The following NELL1 variants were observed in gnomAD, a reference collection of about 807,000 sequenced individuals.
NELL1 encodes neural EGFL like 1.
In NELL1, 76 loss-of-function variants were observed where a neutral mutation model predicts 107.4. The ratio of observed to expected loss-of-function variants is 0.71; its 90% CI spans 0.59 to 0.86. The LOEUF is 0.86. NELL1 is among the 40% of genes least tolerant of loss of function. The pLI, the probability that NELL1 is intolerant of heterozygous loss-of-function variation, is 0.00. For missense variants in NELL1, 1,024 were observed against 1,005.5 expected (o/e 1.02, Z -0.25); for synonymous variants, 353 against 341.2 (o/e 1.03, Z -0.38).
At chr11:21,139,489 C>G (rs1195441281) in intron 13 of NELL1, among the ~76,000 whole-genome samples, 1 of 152,172 alleles carries the variant, frequency 6.6e-6, no homozygotes, top group Admixed American at 6.6e-5. Context: ...GTTAGTTTTC[C>G]CTTCTTACAA....
At chr11:21,262,531 A>C (rs1481109900) in intron 14 of NELL1, 1 of 151,950 alleles carries the variant, frequency 6.6e-6, no homozygotes, top group Non-Finnish European at 1.5e-5. Context: ...TTTAAAAATA[A>C]TTATACCTTC....
chr11:20,741,957 A>G (rs559802064), intron 2 of NELL1, among the ~76,000 whole-genome samples: 1 of 152,174 alleles, frequency 6.6e-6, no homozygotes, highest in Non-Finnish European at 1.5e-5. Flanking sequence ...GATTCAGGAG[A>G]TTAGGCATTC....
chr11:21,493,051 C>T (rs1035448359), intron 15 of NELL1, among the ~76,000 whole-genome samples: 1 of 151,918 alleles, frequency 6.6e-6, no homozygotes, highest in Non-Finnish European at 1.5e-5. Flanking sequence ...TTATCTTACT[C>T]CAGTTAGAAT....
chr11:21,106,668 A>G (rs147556086), intron 12 of NELL1, among the ~76,000 whole-genome samples: 1 of 152,214 alleles, frequency 6.6e-6, no homozygotes, highest in Non-Finnish European at 1.5e-5. Context: ...AAGAAAAATA[A>G]GAAAGACTTG....
At chr11:20,732,931 G>T (rs576782163) in intron 2 of NELL1, among the ~76,000 whole-genome samples, 1 of 152,152 alleles carries the variant, frequency 6.6e-6, no homozygotes, top group African/African-American at 2.4e-5. Context: ...GAACACAAAG[G>T]CTAGTCTCTA....
intron 14 of NELL1, among the ~76,000 whole-genome samples, chr11:21,353,246 T>C (rs923098702): frequency 2.9e-4 from 44 of 152,308 alleles, no homozygotes; most frequent in African/African-American, 1.1e-3. Flanking sequence ...GATAAGGCTA[T>C]AGAACTTGCT....
intron 15 of NELL1, among the ~76,000 whole-genome samples, chr11:21,456,808 A>T (rs1853756659): frequency 6.6e-6 from 1 of 152,182 alleles, no homozygotes. Flanking sequence ...TTTCAACAGA[A>T]ATATATGTGA....
intron 15 of NELL1, among the ~76,000 whole-genome samples, chr11:21,449,235 T>A (rs1365305342): frequency 6.6e-6 from 1 of 152,190 alleles, no homozygotes; most frequent in Non-Finnish European, 1.5e-5. Context: ...TCAGTCTTTG[T>A]AATTTTAGCT....
intron 15 of NELL1, among the ~76,000 whole-genome samples, chr11:21,497,238 A>G (rs1028549758): frequency 2.6e-5 from 4 of 151,926 alleles, no homozygotes; most frequent in African/African-American, 7.2e-5. Context: ...GCACACCAAC[A>G]TGGCACATGT....
intron 4 of NELL1, among the ~76,000 whole-genome samples, chr11:20,870,204 A>G (rs929600960): frequency 1.3e-5 from 2 of 152,204 alleles, no homozygotes; most frequent in African/African-American, 4.8e-5. Context: ...TGATTTGTCT[A>G]AGGCTACATC....
intron 3 of NELL1, among the ~76,000 whole-genome samples, chr11:20,840,287 G>A (rs1268680555): frequency 6.6e-6 from 1 of 152,046 alleles, no homozygotes; most frequent in African/African-American, 2.4e-5. Flanking sequence ...TATTTTTAAA[G>A]GTATAATAAA....
chr11:21,368,521 A>C (rs986790162), intron 14 of NELL1, among the ~76,000 whole-genome samples: 1 of 152,040 alleles, frequency 6.6e-6, no homozygotes, highest in Non-Finnish European at 1.5e-5. Context: ...CTTCACTTGA[A>C]TCTTGTCTCT....
At chr11:20,763,730 G>A (rs1856472079) in intron 2 of NELL1, among the ~76,000 whole-genome samples, 1 of 152,236 alleles carries the variant, frequency 6.6e-6, no homozygotes. Flanking sequence ...ATACTACAGT[G>A]ACACCTGTAA....
chr11:21,427,964 G>T (rs1242217445), intron 15 of NELL1, among the ~76,000 whole-genome samples: 1 of 152,186 alleles, frequency 6.6e-6, no homozygotes, highest in Non-Finnish European at 1.5e-5. Context: ...AGGGATGGCA[G>T]GTTTCACTGA....
intron 3 of NELL1, among the ~76,000 whole-genome samples, chr11:20,805,622 C>T (rs1372414696): frequency 1.3e-5 from 2 of 152,140 alleles, no homozygotes; most frequent in Non-Finnish European, 2.9e-5. Flanking sequence ...CAGGTTCATG[C>T]CTCCCGAGCA....
intron 13 of NELL1, among the ~76,000 whole-genome samples, chr11:21,197,090 G>C (rs915965533): frequency 6.6e-6 from 1 of 151,352 alleles, no homozygotes; most frequent in African/African-American, 2.4e-5. Flanking sequence ...TATTGGCTAG[G>C]GTGGTCTCAA....
At chr11:20,898,247 A>C (rs1052910523) in intron 5 of NELL1, among the ~76,000 whole-genome samples, 1 of 152,212 alleles carries the variant, frequency 6.6e-6, no homozygotes, top group African/African-American at 2.4e-5. Flanking sequence ...GCCATAAAAA[A>C]GGATGAGTTC....
chr11:21,086,088 C>T (rs957668970), intron 12 of NELL1, among the ~76,000 whole-genome samples: 7 of 152,284 alleles, frequency 4.6e-5, no homozygotes, highest in Middle Eastern at 3.4e-3. Flanking sequence ...ATTGAATGAA[C>T]CAGGAAACTC....
At position 21,229,318 on chromosome 11, in the gene NELL1, C is replaced by T; in HGVS notation, c.1427-14C>T. 2 of 1,613,304 alleles carry T rather than the reference C, an allele frequency of 1.2e-6. No individual in the cohort carries two copies. Among genetic ancestry groups the T allele is most frequent in the Non-Finnish European group, 1.7e-6 (2 of 1,179,636 alleles). ...AGAAAAAGTATTTCTCTTTTTCTCT[C>T]ACCCTGGAAACAGAACACGATGAAT... On this transcript the variant is annotated splice_polypyrimidine_tract_variant and intron_variant, in intron 13 of 19. Coordinates refer to ENST00000357134, the MANE Select transcript of NELL1 (RefSeq NM_006157.5).
Sources: gnomAD v4.1 joint callset for allele counts (sites outside exome capture counted in the v4.1 genomes callset) on GRCh38, gnomAD v4.1.1 for gene constraint, MANE v1.5 for transcripts, NCBI Gene and HGNC (gene_info 2026-07-23, HGNC 2026-07-21) for gene names.